RPS6KA4: variants seen among roughly 807,000 people sequenced by gnomAD.
RPS6KA4 encodes ribosomal protein S6 kinase A4, also known as ribosomal protein S6 kinase alpha-4.
Under a neutral mutation model 89.6 loss-of-function variants are expected in RPS6KA4, and 38 were observed. The ratio of observed to expected loss-of-function variants is 0.42; its 90% CI spans 0.33 to 0.56. The LOEUF is 0.56. Among genes scored for constraint, RPS6KA4 ranks in the 20% least tolerant of loss-of-function variants. RPS6KA4 has a pLI of 0.07. For missense variants in RPS6KA4, 873 were observed against 1,098.8 expected (o/e 0.79, Z 2.90); for synonymous variants, 495 against 492.8 (o/e 1.00, Z -0.06).
At position 64,372,196 on chromosome 11, in the gene RPS6KA4, AC is replaced by A. The variant is rs2037093793; in HGVS notation, c.*719del. ...GCCTTTGACTTTAAAATAAAAGTCC[AC>A]CCAGTGCTGTGTGTGGCATCTGCGT... is the stretch of plus-strand genomic sequence containing the variant. On this transcript the variant is annotated 3_prime_UTR_variant, in exon 17 of 17. Coordinates refer to ENST00000334205, the MANE Select transcript of RPS6KA4 (RefSeq NM_003942.3). The A allele has an allele frequency of 6.5e-6, 1 of 152,812 alleles. No homozygotes were observed. The highest frequency in any genetic ancestry group is 2.4e-5 in the African/African-American group (1 of 41,454). The allele number at this position is 152,812 out of a possible 1,614,324, so 9.5% of individuals were successfully genotyped here. A position where few individuals can be genotyped will look rare whatever the true frequency, so the allele number is the denominator to read the frequency against.
At chr11:64,359,738 C>T (rs1361691973) in intron 2 of RPS6KA4, 2 of 547,614 alleles carry the variant, frequency 3.7e-6, no homozygotes, top group Non-Finnish European at 6.5e-6. Context: ...TGCATAGCTC[C>T]TCCCTTTCTT....
chr11:64,364,683 T>A (rs1269227524), intron 8 of RPS6KA4, among the ~76,000 whole-genome samples: 1 of 151,300 alleles, frequency 6.6e-6, no homozygotes, highest in Non-Finnish European at 1.5e-5. Context: ...CCAGACCACA[T>A]CCTCTTAGAT....
At chr11:64,359,488 G>A (rs753144145) in intron 2 of RPS6KA4, 39 bp downstream of exon 2, 14 of 1,605,454 alleles carry the variant, frequency 8.7e-6, no homozygotes, top group Non-Finnish European at 1.2e-5. Context: ...TCCCAGGCGC[G>A]GTGCCCCTGA....
chr11:64,365,527 C>G, intron 9 of RPS6KA4, 62 bp downstream of exon 9: 1 of 1,584,258 alleles, frequency 6.3e-7, no homozygotes, highest in Non-Finnish European at 8.6e-7. Context: ...CTGCCTCAGC[C>G]CTGGCTGGCC....
rs142374327 is a variant in RPS6KA4, at chr11:64,361,902, C to T, written c.806C>T (p.Ala269Val). 5.0e-5 allele frequency: 80 copies of T among 1,612,966 alleles called. No individual in the cohort carries two copies. In the African/African-American group the frequency reaches 8.9e-4, roughly 18 times the overall value. The change falls in exon 8 of 17, where the codon GCG (alanine) becomes GTG (valine). Residue 269 changes from alanine to valine, a missense_variant. Coordinates refer to ENST00000334205, the MANE Select transcript of RPS6KA4 (RefSeq NM_003942.3). This position sits in a 1 kb window ranked among gnomAD's most constrained non-coding sequence, Gnocchi z 4.7. The stretch of plus-strand genomic sequence containing the variant: ...TTCCCCCCTCGGATCGGGCCCGTGG[C>T]GCAGGACCTGCTGCAGCGGCTGCTT... ...PPFPPRIGPVAQDLLQRLLCK... is the reference protein window; with the variant it reads ...PPFPPRIGPVVQDLLQRLLCK...
chr11:64,362,372 G>A (rs913478451), intron 8 of RPS6KA4, among the ~76,000 whole-genome samples: 2 of 152,204 alleles, frequency 1.3e-5, no homozygotes, highest in African/African-American at 2.4e-5. Context: ...AAATCAGTAC[G>A]GAAACCCACA....
chr11:64,371,214 G>A, intron 16 of RPS6KA4, 69 bp from the exon 17 acceptor site: 5 of 1,500,708 alleles, frequency 3.3e-6, no homozygotes, highest in Non-Finnish European at 4.6e-6. Flanking sequence ...TCTGGGAATG[G>A]AGGTCAAACT....
At chr11:64,369,368 G>T in intron 12 of RPS6KA4, 78 bp from the exon 13 acceptor site, 1 of 1,436,238 alleles carries the variant, frequency 7.0e-7, no homozygotes, top group African/African-American at 1.4e-5. Flanking sequence ...CCCGAAGGCC[G>T]GGGGCGGGGC....
At chr11:64,368,849 G>A (rs1272682419) in intron 12 of RPS6KA4, 52 bp downstream of exon 12, 4 of 1,486,234 alleles carry the variant, frequency 2.7e-6, no homozygotes, top group East Asian at 4.9e-5. Context: ...AGGCGGCGGG[G>A]CTTGGGGGCA....
chr11:64,363,454 C>T (rs2036805523), intron 8 of RPS6KA4, among the ~76,000 whole-genome samples: 1 of 152,112 alleles, frequency 6.6e-6, no homozygotes, highest in African/African-American at 2.4e-5. Context: ...GTCTTCAAGG[C>T]CTGATGTGTG....
chr11:64,371,243 C>G (rs376738710), intron 16 of RPS6KA4, 40 bp from the exon 17 acceptor site: 1 of 1,591,624 alleles, frequency 6.3e-7, no homozygotes, highest in African/African-American at 1.4e-5. Flanking sequence ...AAGCCGGGGT[C>G]AGGCGGGGGT....
chr11:64,360,696 G>C (rs1231454157), intron 4 of RPS6KA4, 104 bp downstream of exon 4: 1 of 975,208 alleles, frequency 1.0e-6, no homozygotes, highest in African/African-American at 1.6e-5. Context: ...GGGCTTCCTG[G>C]GGGGCCAGTG....
intron 4 of RPS6KA4, 100 bp downstream of exon 4, chr11:64,360,692 C>T: frequency 9.7e-7 from 1 of 1,026,728 alleles, no homozygotes; most frequent in Non-Finnish European, 1.4e-6. Context: ...CCCTGGGCTT[C>T]CTGGGGGGCC....
At chr11:64,360,750 C>A in intron 4 of RPS6KA4, 158 bp downstream of exon 4, 1 of 654,852 alleles carries the variant, frequency 1.5e-6, no homozygotes, top group Non-Finnish European at 2.6e-6. Flanking sequence ...GGACCCCTTG[C>A]AGGAAGCCTC....
rs1302906761 is a variant in RPS6KA4, at chr11:64,360,144, C to A, written c.128-19C>A. On this transcript the variant is annotated intron_variant, in intron 2 of 16. Transcript: ENST00000334205. ...CTCCCGCTCACAGCCCACCCTCCAC[C>A]CACTCGCTGCTCCCACAGCCTACGG... The A allele has an allele frequency of 6.5e-7, 1 of 1,535,564 alleles. No homozygotes were observed. Among genetic ancestry groups the A allele is most frequent in the Non-Finnish European group, 8.8e-7 (1 of 1,140,078 alleles).
rs181208480 is a variant in RPS6KA4, at chr11:64,369,907, T to C, written c.1797+14T>C. The C allele has an allele frequency of 3.3e-6, 5 of 1,521,742 alleles. No homozygotes were observed. The East Asian group carries it at 1.2e-4, about 38-fold the overall frequency. 94.3% of individuals were successfully genotyped at this position (1,521,742 alleles called of 1,614,324 possible). A position where few individuals can be genotyped will look rare whatever the true frequency, so the allele number is the denominator to read the frequency against. Reference sequence around the variant, plus strand: ...GGCGTCATTCTGGTATGGGACGCGGTCCTTGAGGCGGGGTCAGGGTCGCTC... The same window carrying C: ...GGCGTCATTCTGGTATGGGACGCGGCCCTTGAGGCGGGGTCAGGGTCGCTC... On this transcript the variant is annotated intron_variant, in intron 14 of 16. Coordinates refer to ENST00000334205, the MANE Select transcript of RPS6KA4 (RefSeq NM_003942.3).
In RPS6KA4 at chr11:64,361,110, C is replaced by T. The variant is rs780304688; in HGVS notation, c.463-24C>T. The T allele has an allele frequency of 6.2e-7, 1 of 1,603,614 alleles. No individual in the cohort carries two copies. The highest frequency in any genetic ancestry group is 1.3e-5 in the African/African-American group (1 of 74,876). On this transcript the variant is annotated intron_variant, in intron 4 of 16. Coordinates refer to ENST00000334205, the MANE Select transcript of RPS6KA4 (RefSeq NM_003942.3). This position sits in a 1 kb window ranked among gnomAD's most constrained non-coding sequence, Gnocchi z 4.7. ...GGGGAGGGTTTCGGGGAGGAAGCCT[C>T]AGCACCCCTCTTGCTCCTACCAGCT...
chr11:64,362,209 T>C (rs1209812259), intron 8 of RPS6KA4, among the ~76,000 whole-genome samples: 2 of 152,236 alleles, frequency 1.3e-5, no homozygotes, highest in African/African-American at 4.8e-5. Context: ...TCTAGGTTCA[T>C]TGGCTGTTGG....
rs1438227398 is a variant in RPS6KA4 at position 64,369,974 on chromosome 11, G to A, written c.1797+81G>A. Reference sequence around the variant, plus strand: ...TGATGTGCAGCAGCACGAGGGAGGGGACAGGGGTCATCTTGGTGGGGGCGG... The same window carrying A: ...TGATGTGCAGCAGCACGAGGGAGGGAACAGGGGTCATCTTGGTGGGGGCGG... On this transcript the variant is annotated intron_variant, in intron 14 of 16. Transcript: ENST00000334205. The A allele has an allele frequency of 2.9e-6, 4 of 1,378,246 alleles. No individual in the cohort carries two copies. In the African/African-American group the frequency reaches 5.8e-5, roughly 20 times the overall value. 85.4% of individuals were successfully genotyped at this position (1,378,246 alleles called of 1,614,324 possible).
Sources: allele counts gnomAD v4.1 joint callset (sites outside exome capture counted in the v4.1 genomes callset), GRCh38; gene constraint gnomAD v4.1.1; non-coding constraint Gnocchi (gnomAD v3.1); transcripts MANE v1.5; gene names NCBI Gene and HGNC (gene_info 2026-07-23, HGNC 2026-07-21).